The following PFN2 variants were observed in gnomAD, a reference collection of about 807,000 sequenced individuals.
The protein encoded by PFN2 is profilin-2.
In PFN2, 8 loss-of-function variants were observed where a neutral mutation model predicts 15.3. The ratio of observed to expected loss-of-function variants is 0.52; its 90% CI spans 0.31 to 0.95. The LOEUF is 0.95. PFN2 is among the 40% of genes least tolerant of loss of function. The probability of loss-of-function intolerance (pLI) is 0.05; values close to 1 mark genes in which losing one functional copy is unlikely to be tolerated. For synonymous variants in PFN2, 79 were observed against 67.9 expected (o/e 1.16, Z -0.81); for missense variants, 111 against 182.3 (o/e 0.61, Z 2.25).
rs747416238 is a variant in PFN2 at position 149,966,136 on chromosome 3, G to C, written c.*353C>G. The C allele has an allele frequency of 2.5e-6, 4 of 1,604,212 alleles. No individual in the cohort carries two copies. Among genetic ancestry groups the C allele is most frequent in the Admixed American group, 1.7e-5 (1 of 57,928 alleles). ...GACCATAATTAGGGTTGTTGATGAA[G>C]ACAGTTGCTAGGTAGATGGGGAGAG... On this transcript the variant is annotated 3_prime_UTR_variant, in exon 3 of 3. Transcript: ENST00000239940.
Position 149,965,093 on chromosome 3 carries a change from A to G in PFN2, c.*1396T>C, listed in dbSNP as rs1318663649. On this transcript the variant is annotated 3_prime_UTR_variant, in exon 3 of 3. Coordinates refer to ENST00000239940, the MANE Select transcript of PFN2 (RefSeq NM_053024.4). ...TGTACATTATCCACAAGGCCCAAAC[A>G]ATAGAAGCAAATACTAGAATGTCCC... 2 of 690,942 alleles carry G rather than the reference A, an allele frequency of 2.9e-6. No homozygotes were observed. The highest frequency in any genetic ancestry group is 4.6e-6 in the Non-Finnish European group (2 of 433,764). 42.8% of individuals were successfully genotyped at this position (690,942 alleles called of 1,614,324 possible).
In PFN2 at chr3:149,966,298, CAG is replaced by C; in HGVS notation, c.*189_*190del. Reference sequence around the variant, plus strand: ...CACAAGGAAACAAAACAAAAGTGAACAGAATTATTTTGGGGGGGGAGGGCAGA... The same window carrying C: ...CACAAGGAAACAAAACAAAAGTGAACAATTATTTTGGGGGGGGAGGGCAGA... On this transcript the variant is annotated 3_prime_UTR_variant, in exon 3 of 3. Transcript: ENST00000239940. 3 of 1,608,844 alleles carry C rather than the reference CAG, an allele frequency of 1.9e-6. No individual in the cohort carries two copies. Among genetic ancestry groups the C allele is most frequent in the Middle Eastern group, 1.7e-4 (1 of 6,032 alleles).
rs1196111537 is a variant in PFN2 at position 149,965,152 on chromosome 3, G to T, written c.*1337C>A. The T allele has an allele frequency of 2.4e-6, 3 of 1,240,262 alleles. No individual in the cohort carries two copies. The highest frequency in any genetic ancestry group is 2.6e-5 in the Admixed American group (1 of 39,012). The allele number at this position is 1,240,262 out of a possible 1,614,324, so 76.8% of individuals were successfully genotyped here. ...TGCCATTCGAAAGAAACCCTTAATA[G>T]GTCAGTTAAAATCCATCTCACAATA... On this transcript the variant is annotated 3_prime_UTR_variant, in exon 3 of 3. Coordinates refer to ENST00000239940, the MANE Select transcript of PFN2 (RefSeq NM_053024.4).
Position 149,965,701 on chromosome 3 carries a change from G to A in PFN2, c.*788C>T. 2.7e-6 allele frequency: 1 copy of A among 371,212 alleles called. No individual in the cohort carries two copies. The highest frequency in any genetic ancestry group is 3.2e-6 in the Non-Finnish European group (1 of 311,152). 23.0% of individuals were successfully genotyped at this position (371,212 alleles called of 1,614,324 possible). A position where few individuals can be genotyped will look rare whatever the true frequency, so the allele number is the denominator to read the frequency against. On this transcript the variant is annotated 3_prime_UTR_variant, in exon 3 of 3. Coordinates refer to ENST00000239940, the MANE Select transcript of PFN2 (RefSeq NM_053024.4). Reference sequence around the variant, plus strand: ...ATGGAAGCAAACCAAATGCCTATGTGCGAAGGGAGGGGGGGCGGGAAAAAG... The same window carrying A: ...ATGGAAGCAAACCAAATGCCTATGTACGAAGGGAGGGGGGGCGGGAAAAAG...
In PFN2 at chr3:149,970,635, C is replaced by CA. The variant is rs1722837286; in HGVS notation, c.132+89dup. Reference sequence around the variant, plus strand: ...CTAGCACACCTGCGGGCTCGGCCCTCAGTGTTCCAGCCCCGCGCTGCGGTG... The same window carrying CA: ...CTAGCACACCTGCGGGCTCGGCCCTCAAGTGTTCCAGCCCCGCGCTGCGGTG... On this transcript the variant is annotated intron_variant, in intron 1 of 2. Coordinates refer to ENST00000239940, the MANE Select transcript of PFN2 (RefSeq NM_053024.4). 4 of 1,299,888 alleles carry CA rather than the reference C, an allele frequency of 3.1e-6. No individual in the cohort carries two copies. The East Asian group carries it at 1.3e-4, about 42-fold the overall frequency. 80.5% of individuals were successfully genotyped at this position (1,299,888 alleles called of 1,614,324 possible). A position where few individuals can be genotyped will look rare whatever the true frequency, so the allele number is the denominator to read the frequency against.
chr3:149,968,122 G>A (rs965947336), intron 2 of PFN2: 1 of 423,226 alleles, frequency 2.4e-6, no homozygotes, highest in African/African-American at 2.0e-5. Context: ...TAATAAAGCT[G>A]AAAGTGAGTT....
rs1461038898 is a variant in PFN2, at chr3:149,965,453, G to A, written c.*1036C>T. The A allele has an allele frequency of 8.3e-6, 12 of 1,439,608 alleles. No homozygotes were observed. The highest frequency in any genetic ancestry group is 1.1e-5 in the Non-Finnish European group (12 of 1,104,958). 89.2% of individuals were successfully genotyped at this position (1,439,608 alleles called of 1,614,324 possible). On this transcript the variant is annotated 3_prime_UTR_variant, in exon 3 of 3. Transcript: ENST00000239940. The stretch of plus-strand genomic sequence containing the variant: ...GCTATTGCAATGATGGAATGTCCCT[G>A]GGGATTCAATCAGTATGGTTACTGT...
chr3:149,968,131 T>G, intron 2 of PFN2: 2 of 437,534 alleles, frequency 4.6e-6, no homozygotes, highest in Non-Finnish European at 4.0e-6. Context: ...TGAAAGTGAG[T>G]TCATACGAAT....
At chr3:149,966,682 T>G in intron 2 of PFN2, 96 bp from the exon 3 acceptor site, 1 of 928,716 alleles carries the variant, frequency 1.1e-6, no homozygotes, top group Non-Finnish European at 1.7e-6. Context: ...AAGTTAACAT[T>G]AAGTTAGTTT....
At chr3:149,969,100 A>G (rs2108630818) in intron 1 of PFN2, among the ~76,000 whole-genome samples, 1 of 152,308 alleles carries the variant, frequency 6.6e-6, no homozygotes, top group South Asian at 2.1e-4. Context: ...CAACCCCTGG[A>G]CATCAGTGCT....
At position 149,966,338 on chromosome 3, in the gene PFN2, T is replaced by C. The variant is rs959640251; in HGVS notation, c.*151A>G. Reference sequence around the variant, plus strand: ...GGGGGAGGGCAGAAAGAAAGACACCTTTCCCCACCAACAGAGGGATACAAA... The same window carrying C: ...GGGGGAGGGCAGAAAGAAAGACACCCTTCCCCACCAACAGAGGGATACAAA... On this transcript the variant is annotated 3_prime_UTR_variant, in exon 3 of 3. Transcript: ENST00000239940. 2 of 1,597,498 alleles carry C rather than the reference T, an allele frequency of 1.3e-6. No homozygotes were observed. The highest frequency in any genetic ancestry group is 8.5e-7 in the Non-Finnish European group (1 of 1,172,784).
chr3:149,970,612 AG>A, intron 1 of PFN2, 112 bp downstream of exon 1: 1 of 1,111,500 alleles, frequency 9.0e-7, no homozygotes, highest in Non-Finnish European at 1.2e-6. Flanking sequence ...CCCGCTGCCT[AG>A]CACACCTGCG....
chr3:149,966,574 A>G lies in PFN2; in HGVS notation c.338T>C (p.Val113Ala). The change falls in exon 3 of 3, where the codon GTA becomes GCA. Residue 113 changes from valine to alanine, a missense_variant. By Grantham distance (64) the Val-to-Ala change is moderately conservative. This residue lies in a region of PFN2 where 47 missense variants were observed against 112.7 expected (regional missense o/e 0.42). Coordinates refer to ENST00000239940, the MANE Select transcript of PFN2 (RefSeq NM_053024.4). ...TCCATGGACCCCTTCTTTTCCCATT[A>G]CAAAGACCAAGACTGAAAGAGAAAG... is the stretch of plus-strand genomic sequence containing the variant. ...VGRAGRVLVFVMGKEGVHGGG... is the reference protein window; with the variant it reads ...VGRAGRVLVFAMGKEGVHGGG... 1 of 1,610,820 alleles carries G rather than the reference A, an allele frequency of 6.2e-7. No homozygotes were observed.
Position 149,965,517 on chromosome 3 carries a change from C to G in PFN2, c.*972G>C. On this transcript the variant is annotated 3_prime_UTR_variant, in exon 3 of 3. Transcript: ENST00000239940. ...GAAGTGCTTTTTGCTCTTGTTTTGCCATTGCACTCTTCATATGTCCTGTAG... is the reference window on the plus strand; with the variant it reads ...GAAGTGCTTTTTGCTCTTGTTTTGCGATTGCACTCTTCATATGTCCTGTAG... 1 of 1,402,474 alleles carries G rather than the reference C, an allele frequency of 7.1e-7. No individual in the cohort carries two copies. The highest frequency in any genetic ancestry group is 9.2e-7 in the Non-Finnish European group (1 of 1,085,002). 86.9% of individuals were successfully genotyped at this position (1,402,474 alleles called of 1,614,324 possible). A position where few individuals can be genotyped will look rare whatever the true frequency, so the allele number is the denominator to read the frequency against.
In PFN2 at chr3:149,970,062, AAAAC is replaced by A. The variant is rs1355807288; in HGVS notation, c.132+659_132+662del. On this transcript the variant is annotated intron_variant, in intron 1 of 2. Transcript: ENST00000239940. ...TCTTGGAGAATTTAAAAAAAAAAAA[AAAAC>A]AACCTATAGAGCTAGAGCTGAAGTC... is the stretch of plus-strand genomic sequence containing the variant. 3.9e-5 allele frequency among the ~76,000 whole-genome samples: 6 copies of A among 152,092 alleles called. No individual in the cohort carries two copies. In the East Asian group the frequency reaches 7.7e-4, roughly 20 times the overall value.
chr3:149,965,220 G>GA lies in PFN2; in HGVS notation c.*1268dup. The GA allele has an allele frequency of 2.0e-6, 3 of 1,530,228 alleles. No homozygotes were observed. Among genetic ancestry groups the GA allele is most frequent in the East Asian group, 4.9e-5 (2 of 40,830 alleles). 94.8% of individuals were successfully genotyped at this position (1,530,228 alleles called of 1,614,324 possible). A position where few individuals can be genotyped will look rare whatever the true frequency, so the allele number is the denominator to read the frequency against. The stretch of plus-strand genomic sequence containing the variant: ...CAATAGTATGGCACAGAATACATAT[G>GA]AAAAAAATTCATCACAAGACAGCCA... On this transcript the variant is annotated 3_prime_UTR_variant, in exon 3 of 3. Coordinates refer to ENST00000239940, the MANE Select transcript of PFN2 (RefSeq NM_053024.4).
chr3:149,970,599 G>T, intron 1 of PFN2, 126 bp downstream of exon 1: 1 of 983,522 alleles, frequency 1.0e-6, no homozygotes. Flanking sequence ...CGCATCCTCG[G>T]CGCCCGCTGC....
intron 2 of PFN2, among the ~76,000 whole-genome samples, chr3:149,967,230 GTGTATAACCCAAAA>G: frequency 6.6e-6 from 1 of 152,264 alleles, no homozygotes; most frequent in South Asian, 2.1e-4. Flanking sequence ...CAATTCAAAG[GTGTATAACCCAAAA>G]TATATGTATA....
intron 1 of PFN2, 149 bp downstream of exon 1, chr3:149,970,576 C>T: frequency 1.3e-6 from 1 of 761,766 alleles, no homozygotes. Flanking sequence ...GGCCTCCCCG[C>T]CCGCCCGGCA....
Sources: gnomAD v4.1 joint callset for allele counts (sites outside exome capture counted in the v4.1 genomes callset) on GRCh38, gnomAD v4.1.1 for gene constraint, gnomAD v4.1.1 regional missense constraint, MANE v1.5 for transcripts, NCBI Gene and HGNC (gene_info 2026-07-23, HGNC 2026-07-21) for gene names.